The following TXNDC8 variants were observed in gnomAD, a reference collection of about 807,000 sequenced individuals.
TXNDC8 encodes the protein thioredoxin domain-containing protein 8.
Under a neutral mutation model 12.9 loss-of-function variants are expected in TXNDC8, and 15 were observed. The observed-to-expected ratio is 1.16, with a 90% confidence interval of 0.78 to 1.79. The LOEUF is 1.79. Ranked by LOEUF, TXNDC8 falls within the 40% of genes most tolerant of loss-of-function variation. TXNDC8 has a pLI of 0.00. For synonymous variants in TXNDC8, 40 were observed against 35.4 expected (o/e 1.13, Z -0.46); for missense variants, 128 against 113.2 (o/e 1.13, Z -0.59).
At chr9:110,323,582 T>C (rs1039763059) in intron 3 of TXNDC8, 9 of 241,288 alleles carry the variant, frequency 3.7e-5, no homozygotes, top group Non-Finnish European at 7.5e-6. Flanking sequence ...CACCATGAAA[T>C]GAAGGAGAGT....
chr9:110,321,451 G>A (rs1192417637), intron 3 of TXNDC8, among the ~76,000 whole-genome samples: 1 of 152,180 alleles, frequency 6.6e-6, no homozygotes, highest in Admixed American at 6.5e-5. Context: ...AGGGTATAAT[G>A]GACAAGTGGC....
intron 3 of TXNDC8, among the ~76,000 whole-genome samples, chr9:110,313,182 A>C (rs1159031905): frequency 1.3e-5 from 2 of 152,176 alleles, no homozygotes; most frequent in African/African-American, 4.8e-5. Context: ...CTGGGATTAC[A>C]GGTGTGAGCC....
At chr9:110,305,937 GAACCTCAGCTCACTGC>G (rs1370939454) in intron 3 of TXNDC8, among the ~76,000 whole-genome samples, 13 of 150,230 alleles carry the variant, frequency 8.7e-5, no homozygotes, top group Admixed American at 2.0e-4. Flanking sequence ...CAGCTCACTG[GAACCTCAGCTCACTGC>G]AACCTCAGCT....
At chr9:110,337,565 C>A (rs1839805861) in intron 1 of TXNDC8, among the ~76,000 whole-genome samples, 2 of 152,172 alleles carry the variant, frequency 1.3e-5, no homozygotes, top group South Asian at 4.1e-4. Flanking sequence ...AGGAAGAAAG[C>A]CCTTCTTTAT....
intron 4 of TXNDC8, among the ~76,000 whole-genome samples, chr9:110,303,946 C>T (rs1838331458): frequency 6.6e-6 from 1 of 152,176 alleles, no homozygotes; most frequent in Non-Finnish European, 1.5e-5. Context: ...ACACAATCTT[C>T]TGAAATCAAA....
intron 2 of TXNDC8, among the ~76,000 whole-genome samples, chr9:110,327,341 A>T (rs10816973): frequency 1.6e-5 from 2 of 127,072 alleles, no homozygotes; most frequent in African/African-American, 2.6e-5. Context: ...TTTTTTTTTG[A>T]GATGGAATTT....
In TXNDC8 at chr9:110,337,824, A is replaced by T; in HGVS notation, c.-28T>A. 6.2e-7 allele frequency: 1 copy of T among 1,612,882 alleles called. No individual in the cohort carries two copies. The highest frequency in any genetic ancestry group is 1.3e-5 in the African/African-American group (1 of 74,972). On this transcript the variant is annotated 5_prime_UTR_variant, in exon 1 of 5. Coordinates refer to ENST00000423740, the MANE Select transcript of TXNDC8 (RefSeq NM_001286946.2). Reference sequence around the variant, plus strand: ...TTACACCAGGGAAGTGCTGATGAAAATCCCCTGTTGGTTTAGTTGGATCAC... The same window carrying T: ...TTACACCAGGGAAGTGCTGATGAAATTCCCCTGTTGGTTTAGTTGGATCAC...
chr9:110,330,535 C>A (rs1839508478), intron 2 of TXNDC8, among the ~76,000 whole-genome samples: 1 of 152,178 alleles, frequency 6.6e-6, no homozygotes, highest in South Asian at 2.1e-4. Flanking sequence ...ATATTGCCTT[C>A]CCCCGATCAC....
In TXNDC8 at chr9:110,322,910, C is replaced by G. The variant is rs935354155; in HGVS notation, c.195+3265G>C. ...CTAGTCACTGAGCTTTCAAATCAGACATGACCTCCTTCAGGTGCTTGGACT... is the reference window on the plus strand; with the variant it reads ...CTAGTCACTGAGCTTTCAAATCAGAGATGACCTCCTTCAGGTGCTTGGACT... On this transcript the variant is annotated intron_variant, in intron 3 of 4. Transcript: ENST00000423740. 5 of 985,310 alleles carry G rather than the reference C, an allele frequency of 5.1e-6. No individual in the cohort carries two copies. In the Admixed American group the frequency reaches 1.8e-4, roughly 36 times the overall value. The allele number at this position is 985,310 out of a possible 1,614,324, so 61.0% of individuals were successfully genotyped here.
intron 2 of TXNDC8, among the ~76,000 whole-genome samples, chr9:110,328,500 G>A (rs924675211): frequency 2.0e-5 from 3 of 152,178 alleles, no homozygotes; most frequent in Non-Finnish European, 2.9e-5. Flanking sequence ...ATGCACTGAG[G>A]TAGGTTTTAG....
Position 110,303,696 on chromosome 9 carries a change from C to T in TXNDC8, c.274G>A (p.Asp92Asn), listed in dbSNP as rs770872521. The change falls in exon 5 of 5, where the codon GAT becomes AAT. Residue 92 changes from aspartate (D) to asparagine (N), a missense_variant. Transcript: ENST00000423740. Reference sequence around the variant, plus strand: ...AAAGTTAAATCCTACTCATTTCCATCATCTGCAAGACACTTTAAATATAAA... The same window carrying T: ...AAAGTTAAATCCTACTCATTTCCATTATCTGCAAGACACTTTAAATATAAA... 6.3e-6 allele frequency: 10 copies of T among 1,596,068 alleles called. No homozygotes were observed. The highest frequency in any genetic ancestry group is 1.1e-5 in the South Asian group (1 of 89,542).
intron 3 of TXNDC8, among the ~76,000 whole-genome samples, chr9:110,309,377 C>G (rs1266169483): frequency 6.6e-6 from 1 of 152,080 alleles, no homozygotes; most frequent in Non-Finnish European, 1.5e-5. Context: ...GCTGTGTCAT[C>G]CAGGCTGGAG....
intron 3 of TXNDC8, among the ~76,000 whole-genome samples, chr9:110,308,642 C>T (rs931508591): frequency 7.2e-5 from 11 of 151,932 alleles, no homozygotes; most frequent in Non-Finnish European, 1.6e-4. Context: ...AAACCATGCA[C>T]TTGGTTTCTG....
intron 3 of TXNDC8, among the ~76,000 whole-genome samples, chr9:110,315,681 AT>A (rs398046800): frequency 8.6e-4 from 124 of 143,448 alleles, no homozygotes; most frequent in Admixed American, 1.0e-3. Context: ...TAATTTTTGT[AT>A]TTTTTTTTTT....
intron 2 of TXNDC8, among the ~76,000 whole-genome samples, chr9:110,333,244 G>T (rs1239403424): frequency 6.6e-6 from 1 of 152,124 alleles, no homozygotes; most frequent in Non-Finnish European, 1.5e-5. Flanking sequence ...TGTCATTACT[G>T]CCTGAGCTCT....
At chr9:110,319,740 G>T (rs1235787166) in intron 3 of TXNDC8, among the ~76,000 whole-genome samples, 3 of 152,186 alleles carry the variant, frequency 2.0e-5, no homozygotes, top group Non-Finnish European at 4.4e-5. Context: ...TTACCTTATT[G>T]TCCCTACTTG....
At chr9:110,323,867 A>G in intron 3 of TXNDC8, 3 of 1,550,064 alleles carry the variant, frequency 1.9e-6, no homozygotes, top group Non-Finnish European at 2.6e-6. Flanking sequence ...TCAAAGGAGA[A>G]GGTTATTTAC....
At chr9:110,323,873 T>C (rs146746851) in intron 3 of TXNDC8, 67 of 1,550,434 alleles carry the variant, frequency 4.3e-5, no homozygotes, top group African/African-American at 4.2e-4. Context: ...GAGAAGGTTA[T>C]TTACCTAGCT....
intron 3 of TXNDC8, among the ~76,000 whole-genome samples, chr9:110,314,386 C>T (rs114466916): frequency 0.025 from 3,799 of 151,940 alleles, 147 homozygotes; most frequent in African/African-American, 0.086. Flanking sequence ...TCCTCAAAAT[C>T]GGCAAATTAA....
Sources: gnomAD v4.1 joint callset for allele counts (sites outside exome capture counted in the v4.1 genomes callset) on GRCh38, gnomAD v4.1.1 for gene constraint, MANE v1.5 for transcripts, NCBI Gene and HGNC (gene_info 2026-07-23, HGNC 2026-07-21) for gene names.